ADAMTS2: variants seen among roughly 807,000 people sequenced by gnomAD.
ADAMTS2 encodes the protein ADAM metallopeptidase with thrombospondin type 1 motif 2.
In ADAMTS2, 50 loss-of-function variants were observed where a neutral mutation model predicts 123.0. The ratio of observed to expected loss-of-function variants is 0.41; its 90% CI spans 0.32 to 0.51. The LOEUF (loss-of-function observed/expected upper bound fraction) is 0.51, where lower values mean the gene tolerates loss of function less well. Among genes scored for constraint, ADAMTS2 ranks in the 20% least tolerant of loss-of-function variants. The probability of loss-of-function intolerance (pLI) is 0.35; values close to 1 mark genes in which losing one functional copy is unlikely to be tolerated. For synonymous variants in ADAMTS2, 678 were observed against 695.4 expected (o/e 0.98, Z 0.39); for missense variants, 1,494 against 1,705.2 (o/e 0.88, Z 2.18).
At chr5:179,209,365 C>T (rs1764795653) in intron 3 of ADAMTS2, among the ~76,000 whole-genome samples, 1 of 152,312 alleles carries the variant, frequency 6.6e-6, no homozygotes, top group African/African-American at 2.4e-5. Flanking sequence ...AAGACCAAGA[C>T]AGACAGTGGA....
At chr5:179,190,967 TC>T (rs1303549603) in intron 4 of ADAMTS2, among the ~76,000 whole-genome samples, 1 of 152,226 alleles carries the variant, frequency 6.6e-6, no homozygotes, top group African/African-American at 2.4e-5. Context: ...CCTGGAGCTC[TC>T]CCCGCTGGCT....
chr5:179,308,419 C>T lies in ADAMTS2; in HGVS notation c.534+35348G>A, dbSNP rs1337923384. 1.3e-5 allele frequency among the ~76,000 whole-genome samples: 2 copies of T among 152,156 alleles called. No individual in the cohort carries two copies. Among genetic ancestry groups the T allele is most frequent in the East Asian group, 1.9e-4 (1 of 5,188 alleles). On this transcript the variant is annotated intron_variant, in intron 2 of 21. Transcript: ENST00000251582. The surrounding 1 kb of genome is among the most constrained non-coding windows in gnomAD (Gnocchi z 6.6). Reference sequence around the variant, plus strand: ...CGCACGCCAGCTGGAAGGGGAGCCGCGCAGCCCCTGGGCAGGCTGAGGACA... The same window carrying T: ...CGCACGCCAGCTGGAAGGGGAGCCGTGCAGCCCCTGGGCAGGCTGAGGACA...
At chr5:179,344,261 G>A (rs1757872965) in intron 1 of ADAMTS2, 100 bp from the exon 2 acceptor site, 1 of 1,434,574 alleles carries the variant, frequency 7.0e-7, no homozygotes. Context: ...GCCCCACTGC[G>A]AAGGGAAGGG....
chr5:179,255,438 G>A (rs1208784259), intron 3 of ADAMTS2, among the ~76,000 whole-genome samples: 1 of 152,176 alleles, frequency 6.6e-6, no homozygotes, highest in Non-Finnish European at 1.5e-5. Flanking sequence ...GTGAGGATTG[G>A]GGGTCAGGAA....
chr5:179,216,009 C>A lies in ADAMTS2; in HGVS notation c.689-8294G>T, dbSNP rs542252282. On this transcript the variant is annotated intron_variant, in intron 3 of 21. Coordinates refer to ENST00000251582, the MANE Select transcript of ADAMTS2 (RefSeq NM_014244.5). ...GTTCTCAAAAGATTTATGTGACAAGCACTCCTCTCAAGAAGCTACTGAAAG... is the reference window on the plus strand; with the variant it reads ...GTTCTCAAAAGATTTATGTGACAAGAACTCCTCTCAAGAAGCTACTGAAAG... Among the ~76,000 whole-genome samples the A allele has an allele frequency of 3.9e-5, 6 of 152,316 alleles. No individual in the cohort carries two copies. The South Asian group carries it at 1.2e-3, about 32-fold the overall frequency.
At chr5:179,318,685 C>T (rs528707448) in intron 2 of ADAMTS2, among the ~76,000 whole-genome samples, 1 of 152,246 alleles carries the variant, frequency 6.6e-6, no homozygotes, top group African/African-American at 2.4e-5. Context: ...CCTTCTCAGA[C>T]CAGGGCAGGT....
chr5:179,325,415 G>A (rs1375049635), intron 2 of ADAMTS2, among the ~76,000 whole-genome samples: 1 of 152,192 alleles, frequency 6.6e-6, no homozygotes, highest in Non-Finnish European at 1.5e-5. Context: ...GAGACAGAAG[G>A]CAATGGGGAC....
intron 3 of ADAMTS2, among the ~76,000 whole-genome samples, chr5:179,224,913 C>T (rs1321340648): frequency 3.9e-5 from 6 of 152,184 alleles, no homozygotes; most frequent in African/African-American, 9.7e-5. Context: ...TATCCTCCTC[C>T]GTCTGGCCTG....
Position 179,115,023 on chromosome 5 carries a change from G to A in ADAMTS2, c.3179-699C>T, listed in dbSNP as rs190489228. On this transcript the variant is annotated intron_variant, in intron 21 of 21. Coordinates refer to ENST00000251582, the MANE Select transcript of ADAMTS2 (RefSeq NM_014244.5). The surrounding 1 kb of genome is among the most constrained non-coding windows in gnomAD (Gnocchi z 4.4). The stretch of plus-strand genomic sequence containing the variant: ...CTCTGCTCCATCCCCCTATAGCACC[G>A]CCACCTTGCGCATCCAGCCATTTCC... 6.6e-5 allele frequency among the ~76,000 whole-genome samples: 10 copies of A among 152,140 alleles called. No individual in the cohort carries two copies. In the East Asian group the frequency reaches 1.4e-3, roughly 21 times the overall value.
At chr5:179,309,149 CTG>C (rs1445805816) in intron 2 of ADAMTS2, among the ~76,000 whole-genome samples, 1 of 152,244 alleles carries the variant, frequency 6.6e-6, no homozygotes, top group Non-Finnish European at 1.5e-5. Flanking sequence ...GTTGAAAACT[CTG>C]TGTTCCCCGG....
At position 179,272,109 on chromosome 5, in the gene ADAMTS2, G is replaced by A. The variant is rs542032904; in HGVS notation, c.688+802C>T. On this transcript the variant is annotated intron_variant, in intron 3 of 21. Coordinates refer to ENST00000251582, the MANE Select transcript of ADAMTS2 (RefSeq NM_014244.5). The surrounding 1 kb of genome is among the most constrained non-coding windows in gnomAD (Gnocchi z 5.8). ...CACACGGGGGACCCTGAGAACTATG[G>A]GCCTGCAGAACCACATCAGACACCA... is the stretch of plus-strand genomic sequence containing the variant. Among the ~76,000 whole-genome samples, 1 of 152,274 alleles carries A rather than the reference G, an allele frequency of 6.6e-6. No individual in the cohort carries two copies. The highest frequency in any genetic ancestry group is 2.1e-4 in the South Asian group (1 of 4,806).
intron 3 of ADAMTS2, among the ~76,000 whole-genome samples, chr5:179,244,313 G>T (rs996807373): frequency 2.7e-5 from 4 of 148,560 alleles, no homozygotes; most frequent in South Asian, 4.3e-4. Flanking sequence ...ATCCCAGTGG[G>T]ATTTCCAGCC....
intron 4 of ADAMTS2, among the ~76,000 whole-genome samples, chr5:179,186,697 C>CAAA (rs534415930): frequency 3.3e-5 from 5 of 152,264 alleles, no homozygotes; most frequent in African/African-American, 1.2e-4. Context: ...ACTGATGTGG[C>CAAA]AAAAAGAGCA....
At chr5:179,267,972 G>A (rs1374924152) in intron 3 of ADAMTS2, among the ~76,000 whole-genome samples, 2 of 152,232 alleles carry the variant, frequency 1.3e-5, no homozygotes, top group African/African-American at 4.8e-5. Flanking sequence ...CCTGGGCCCT[G>A]CCAAGCCAGC....
At chr5:179,324,060 G>C (rs1171081094) in intron 2 of ADAMTS2, among the ~76,000 whole-genome samples, 1 of 152,214 alleles carries the variant, frequency 6.6e-6, no homozygotes, top group Non-Finnish European at 1.5e-5. Flanking sequence ...AATATTGTGT[G>C]ATTCATTTAT....
intron 2 of ADAMTS2, among the ~76,000 whole-genome samples, chr5:179,337,433 G>GCACACT (rs1757644065): frequency 1.3e-5 from 2 of 152,056 alleles, no homozygotes; most frequent in African/African-American, 4.8e-5. Flanking sequence ...ACCCCCACAC[G>GCACACT]CACACTGCAT....
rs1561706695 is a variant in ADAMTS2 at position 179,299,296 on chromosome 5, GA to G, written c.535-26233del. ...TGTAATCCCAGCACTTTGGGAGGCT[GA>G]GGCGGGCGGATCACGAGGTCAGGAG... On this transcript the variant is annotated intron_variant, in intron 2 of 21. Coordinates refer to ENST00000251582, the MANE Select transcript of ADAMTS2 (RefSeq NM_014244.5). Among the ~76,000 whole-genome samples, 19 of 77,288 alleles carry G rather than the reference GA, an allele frequency of 2.5e-4. 1 individual carries two copies. The Admixed American group carries it at 2.6e-3, about 11-fold the overall frequency. 50.7% of individuals were successfully genotyped at this position (77,288 alleles called of 152,430 possible).
At chr5:179,205,576 G>C (rs1389729052) in intron 4 of ADAMTS2, among the ~76,000 whole-genome samples, 4 of 152,258 alleles carry the variant, frequency 2.6e-5, no homozygotes. Flanking sequence ...CGCTGGGTTG[G>C]AAGGCGACAT....
intron 3 of ADAMTS2, among the ~76,000 whole-genome samples, chr5:179,269,703 G>A (rs777871405): frequency 2.6e-5 from 4 of 152,166 alleles, no homozygotes; most frequent in Non-Finnish European, 5.9e-5. Flanking sequence ...CTCCTCAACA[G>A]TCCCACACAG....
Sources: gnomAD v4.1 joint callset for allele counts (sites outside exome capture counted in the v4.1 genomes callset) on GRCh38, gnomAD v4.1.1 for gene constraint, Gnocchi (gnomAD v3.1) non-coding constraint, MANE v1.5 for transcripts, NCBI Gene and HGNC (gene_info 2026-07-23, HGNC 2026-07-21) for gene names.